Variants in AHNAK observed in about 807,000 individuals in gnomAD.
AHNAK encodes the protein neuroblast differentiation-associated protein AHNAK.
AHNAK carries 23 observed loss-of-function variants against 37.8 expected under a neutral mutation model. That is an observed-to-expected ratio of 0.61 (90% CI 0.44 to 0.86). The LOEUF is 0.86. Among genes scored for constraint, AHNAK ranks in the 40% least tolerant of loss-of-function variants. AHNAK has a pLI of 0.00. For missense variants in AHNAK, 7,411 were observed against 7,319.4 expected (o/e 1.01, Z -0.46); for synonymous variants, 2,481 against 2,636.3 (o/e 0.94, Z 1.80).
Position 62,534,115 on chromosome 11 carries a change from G to A in AHNAK, c.343-41C>T. The A allele has an allele frequency of 2.0e-6, 3 of 1,505,654 alleles. No individual in the cohort carries two copies. The South Asian group carries it at 4.0e-5, about 20-fold the overall frequency. The allele number at this position is 1,505,654 out of a possible 1,614,324, so 93.3% of individuals were successfully genotyped here. Reference sequence around the variant, plus strand: ...CCGGGCAGAGGTTGCAGCAGAGTCTGCCTGAGTTAGCAGATGCCCGGCCAC... The same window carrying A: ...CCGGGCAGAGGTTGCAGCAGAGTCTACCTGAGTTAGCAGATGCCCGGCCAC... On this transcript the variant is annotated intron_variant, in intron 4 of 4. Coordinates refer to ENST00000378024, the MANE Select transcript of AHNAK (RefSeq NM_001620.3).
At position 62,524,552 on chromosome 11, in the gene AHNAK, T is replaced by G. The variant is rs753501713; in HGVS notation, c.9865A>C (p.Asn3289His). 1.1e-5 allele frequency: 18 copies of G among 1,614,154 alleles called. No homozygotes were observed. Among genetic ancestry groups the G allele is most frequent in the Admixed American group, 5.0e-5 (3 of 60,012 alleles). Residue 3289 changes from asparagine (N) to histidine (H), a missense_variant, in exon 5 of 5, where the codon AAC becomes CAC. Physicochemically the swap from Asn to His is moderately conservative, Grantham distance 68 (BLOSUM62 1). Coordinates refer to ENST00000378024, the MANE Select transcript of AHNAK (RefSeq NM_001620.3). ...PKLKMPDMHVNMPKISMPEID... is the reference protein window; with the variant it reads ...PKLKMPDMHVHMPKISMPEID... ...TCTGGCATGGAGATCTTGGGCATGT[T>G]TACATGCATGTCAGGCATCTTCAGT...
At chr11:62,456,824 G>A (rs1049623894) in intron 5 of AHNAK, among the ~76,000 whole-genome samples, 16 of 152,202 alleles carry the variant, frequency 1.1e-4, no homozygotes, top group African/African-American at 3.9e-4. Context: ...GTGGTTCAGA[G>A]AGTCATCATT....
At chr11:62,469,842 GAAA>G (rs763705362) in intron 5 of AHNAK, among the ~76,000 whole-genome samples, 65 of 152,284 alleles carry the variant, frequency 4.3e-4, no homozygotes, top group Non-Finnish European at 6.0e-4. Flanking sequence ...CAGAAACAGA[GAAA>G]GTAACCTGTG....
At chr11:62,490,200 T>TA (rs1278989564) in intron 5 of AHNAK, among the ~76,000 whole-genome samples, 1 of 138,040 alleles carries the variant, frequency 7.2e-6, no homozygotes, top group Middle Eastern at 3.3e-3. Flanking sequence ...TCTTTTTCTT[T>TA]TTTTTTTTTT....
intron 4 of AHNAK, among the ~76,000 whole-genome samples, chr11:62,502,251 T>A (rs1349016838): frequency 6.6e-6 from 1 of 152,186 alleles, no homozygotes; most frequent in Non-Finnish European, 1.5e-5. Context: ...TTGAGAAGTT[T>A]GCCAGCCAAC....
chr11:62,533,097 A>G lies in AHNAK; in HGVS notation c.1320T>C (p.Ser440=). 1 of 1,593,592 alleles carries G rather than the reference A, an allele frequency of 6.3e-7. No homozygotes were observed. The highest frequency in any genetic ancestry group is 8.5e-7 in the Non-Finnish European group (1 of 1,172,280). Residue 440 remains serine, a synonymous_variant, in exon 5 of 5, where the codon TCT becomes TCC. Transcript: ENST00000378024. The part of the protein sequence containing the change: ...NVPKMKVPKF[S]VSGAKGEETG... ...TTTCCTCTCCCTTTGCACCTGATAC[A>G]GAGAACTTGGGGACTTTCATCTTGG...
At chr11:62,455,467 A>C (rs1938635734) in intron 5 of AHNAK, among the ~76,000 whole-genome samples, 1 of 151,766 alleles carries the variant, frequency 6.6e-6, no homozygotes, top group South Asian at 2.1e-4. Flanking sequence ...GCACATTGGG[A>C]GGTCAAGGCG....
intron 1 of AHNAK, among the ~76,000 whole-genome samples, chr11:62,544,101 C>T (rs918019889): frequency 3.9e-5 from 6 of 152,148 alleles, no homozygotes; most frequent in Non-Finnish European, 5.9e-5. Flanking sequence ...TCAGGGTGAC[C>T]GGCTCTGCCA....
Position 62,527,510 on chromosome 11 carries a change from G to C in AHNAK, c.6907C>G (p.Pro2303Ala), listed in dbSNP as rs766196500. 3.7e-6 allele frequency: 6 copies of C among 1,613,412 alleles called. No homozygotes were observed. In the Admixed American group the frequency reaches 8.3e-5, roughly 22 times the overall value. The change falls in exon 5 of 5, where the codon CCT (proline) becomes GCT (alanine). Residue 2303 changes from proline (P) to alanine (A), a missense_variant. Transcript: ENST00000378024. ...GKLKGPKFKM[P>A]EMHFKTPKIS... ...TTGGGGGTCTTGAAGTGCATCTCAG[G>C]CATCTTAAACTTGGGGCCCTTCAGC... is the stretch of plus-strand genomic sequence containing the variant.
chr11:62,526,706 C>G lies in AHNAK; in HGVS notation c.7711G>C (p.Glu2571Gln). ...ATCTTGGGGGCTTTGATGTTCATCT[C>G]TGGCATCTTTAACTTAGGCCCTTTC... Reference protein sequence around the residue: ...KLKGPKLKMPEMNIKAPKISM... With the variant: ...KLKGPKLKMPQMNIKAPKISM... The change falls in exon 5 of 5, where the codon GAG becomes CAG. Residue 2571 changes from glutamate to glutamine, a missense_variant. Glu to Gln is a conservative substitution (Grantham distance 29). Transcript: ENST00000378024. 6.2e-7 allele frequency: 1 copy of G among 1,613,618 alleles called. No homozygotes were observed. The highest frequency in any genetic ancestry group is 8.5e-7 in the Non-Finnish European group (1 of 1,179,932).
At chr11:62,443,700 A>C (rs1197570976) in intron 5 of AHNAK, among the ~76,000 whole-genome samples, 4 of 152,182 alleles carry the variant, frequency 2.6e-5, no homozygotes, top group African/African-American at 9.7e-5. Context: ...CTTGAAAGTC[A>C]TCATCAAATG....
chr11:62,434,105 G>A (rs1230888065), intron 5 of AHNAK, among the ~76,000 whole-genome samples: 1 of 152,132 alleles, frequency 6.6e-6, no homozygotes, highest in Non-Finnish European at 1.5e-5. Flanking sequence ...CCCTCTGTGT[G>A]GTTTCTGTGC....
chr11:62,470,316 T>C (rs907716056), intron 5 of AHNAK, among the ~76,000 whole-genome samples: 6 of 152,016 alleles, frequency 3.9e-5, no homozygotes, highest in African/African-American at 1.2e-4. Flanking sequence ...CATGGTGGCA[T>C]GCGCCTGTAA....
In AHNAK at chr11:62,527,523, G is replaced by A. The variant is rs2134224790; in HGVS notation, c.6894C>T (p.Pro2298=). 6.2e-7 allele frequency: 1 copy of A among 1,612,886 alleles called. No individual in the cohort carries two copies. Among genetic ancestry groups the A allele is most frequent in the African/African-American group, 1.3e-5 (1 of 74,490 alleles). ...LEGPEGKLKG[P]KFKMPEMHFK... is the part of the protein sequence containing the mutation. The stretch of plus-strand genomic sequence containing the variant: ...AGTGCATCTCAGGCATCTTAAACTT[G>A]GGGCCCTTCAGCTTCCCTTCTGGAC... The change falls in exon 5 of 5, where the codon CCC becomes CCT. Residue 2298 remains proline, a synonymous_variant. Coordinates refer to ENST00000378024, the MANE Select transcript of AHNAK (RefSeq NM_001620.3).
chr11:62,457,330 C>G (rs1938677954), intron 5 of AHNAK, among the ~76,000 whole-genome samples: 1 of 152,060 alleles, frequency 6.6e-6, no homozygotes, highest in Non-Finnish European at 1.5e-5. Flanking sequence ...CACCTGTAGT[C>G]CCAGCTACTC....
chr11:62,542,859 G>A (rs1007449093), intron 1 of AHNAK, among the ~76,000 whole-genome samples: 1 of 152,202 alleles, frequency 6.6e-6, no homozygotes, highest in Non-Finnish European at 1.5e-5. Context: ...CTTGCCCTGT[G>A]GGGTAGATTA....
rs1240545475 is a variant in AHNAK at position 62,527,306 on chromosome 11, T to C, written c.7111A>G (p.Thr2371Ala). 5 of 1,613,298 alleles carry C rather than the reference T, an allele frequency of 3.1e-6. No homozygotes were observed. The highest frequency in any genetic ancestry group is 4.2e-6 in the Non-Finnish European group (5 of 1,179,764). ...ATATCTGGCATCTTGAACTTAGGAG[T>C]TTTCCACTTGCCATTTGGGCCTTCC... Reference protein sequence around the residue: ...AVEGPNGKWKTPKFKMPDMHF... With the variant: ...AVEGPNGKWKAPKFKMPDMHF... Residue 2371 changes from threonine (T) to alanine (A), a missense_variant, in exon 5 of 5, where the codon ACT becomes GCT. Thr to Ala is a moderately conservative substitution (Grantham distance 58, BLOSUM62 0). Coordinates refer to ENST00000378024, the MANE Select transcript of AHNAK (RefSeq NM_001620.3).
intron 2 of AHNAK, 85 bp downstream of exon 2, chr11:62,536,384 A>C: frequency 3.1e-6 from 1 of 323,116 alleles, no homozygotes. Context: ...CCTGTCCCCC[A>C]CGGCCCCAGC....
At chr11:62,485,478 G>A (rs556827015) in intron 5 of AHNAK, among the ~76,000 whole-genome samples, 39 of 151,834 alleles carry the variant, frequency 2.6e-4, no homozygotes, top group Admixed American at 1.1e-3. Context: ...CGAGGCGGGC[G>A]GATCACAAGG....
Sources: gnomAD v4.1 joint callset for allele counts (sites outside exome capture counted in the v4.1 genomes callset) on GRCh38, gnomAD v4.1.1 for gene constraint, MANE v1.5 for transcripts, NCBI Gene and HGNC (gene_info 2026-07-23, HGNC 2026-07-21) for gene names.